FKBP7: variants seen among roughly 807,000 people sequenced by gnomAD.
The protein encoded by FKBP7 is peptidyl-prolyl cis-trans isomerase FKBP7.
In FKBP7, 24 loss-of-function variants were observed where a neutral mutation model predicts 24.3. That is an observed-to-expected ratio of 0.99 (90% CI 0.72 to 1.39). The LOEUF (loss-of-function observed/expected upper bound fraction) is 1.39. FKBP7 is among the 40% of genes most tolerant of loss of function. The probability of loss-of-function intolerance (pLI) is 0.00; values close to 1 mark genes in which losing one functional copy is unlikely to be tolerated. For synonymous variants in FKBP7, 98 were observed against 92.8 expected (o/e 1.06, Z -0.32); for missense variants, 257 against 269.5 (o/e 0.95, Z 0.33).
rs1175823425 is a variant in FKBP7 at position 178,469,779 on chromosome 2, C to T, written c.380G>A (p.Gly127Asp). 1 of 1,612,972 alleles carries T rather than the reference C, an allele frequency of 6.2e-7. No homozygotes were observed. The highest frequency in any genetic ancestry group is 1.7e-5 in the Admixed American group (1 of 59,688). ...CAATGTAGCATCCGGTGGAATCTTG[C>T]CTTCTGCTAAGGGTATAAATTTTAA... ...FAYGKEGYAE[G>D]KIPPDATLIF... Residue 127 changes from glycine (G) to aspartate (D), a missense_variant, in exon 3 of 4, where the codon GGC becomes GAC. Physicochemically the swap from Gly to Asp is moderately conservative, Grantham distance 94. Transcript: ENST00000424785.
chr2:178,473,466 C>G (rs1559378227), intron 2 of FKBP7, among the ~76,000 whole-genome samples: 1 of 152,230 alleles, frequency 6.6e-6, no homozygotes, highest in Non-Finnish European at 1.5e-5. Flanking sequence ...CATCAAACTT[C>G]TATATCTCTG....
Position 178,477,095 on chromosome 2 carries a change from G to T in FKBP7, c.340C>A (p.Pro114Thr), listed in dbSNP as rs774327142. Residue 114 changes from proline (P) to threonine (T), a missense_variant, in exon 2 of 4, where the codon CCC becomes ACC. Pro to Thr is a conservative substitution (Grantham distance 38). Transcript: ENST00000424785. ...CPGEKRKVVI[P>T]PSFAYGKEGY... is the part of the protein sequence containing the mutation. Reference sequence around the variant, plus strand: ...TCCTTTCCGTATGCAAATGAAGGGGGTATAACTACTTTTCGCTTTTCTCCA... The same window carrying T: ...TCCTTTCCGTATGCAAATGAAGGGGTTATAACTACTTTTCGCTTTTCTCCA... The T allele has an allele frequency of 1.2e-6, 2 of 1,611,714 alleles. No individual in the cohort carries two copies. Among genetic ancestry groups the T allele is most frequent in the East Asian group, 2.2e-5 (1 of 44,790 alleles).
chr2:178,466,100 A>G (rs1303974090), intron 3 of FKBP7, among the ~76,000 whole-genome samples, 169 bp from the exon 4 acceptor site: 1 of 152,188 alleles, frequency 6.6e-6, no homozygotes, highest in Non-Finnish European at 1.5e-5. Flanking sequence ...CTTTGAAGCA[A>G]TGTTTTGGAG....
chr2:178,469,448 A>G (rs544356838), intron 3 of FKBP7, among the ~76,000 whole-genome samples: 3 of 152,348 alleles, frequency 2.0e-5, no homozygotes, highest in East Asian at 1.9e-4. Flanking sequence ...GAGAAAGGCA[A>G]TTGAACAGGA....
intron 2 of FKBP7, among the ~76,000 whole-genome samples, chr2:178,470,601 T>C (rs1684820621): frequency 6.6e-6 from 1 of 152,236 alleles, no homozygotes; most frequent in Non-Finnish European, 1.5e-5. Flanking sequence ...AGTATTAATA[T>C]ATTTGTCTTT....
Position 178,478,515 on chromosome 2 carries a change from A to C in FKBP7, c.-16T>G. ...TTTTTGGCATCGGCTCCAGCAGAAC[A>C]CTGCTCTCCCTCCCGCGTGTCACTC... On this transcript the variant is annotated 5_prime_UTR_variant, in exon 1 of 4. Transcript: ENST00000424785. The C allele has an allele frequency of 1.2e-6, 2 of 1,613,004 alleles. No individual in the cohort carries two copies. The highest frequency in any genetic ancestry group is 1.7e-6 in the Non-Finnish European group (2 of 1,179,662).
rs369967667 is a variant in FKBP7 at position 178,465,781 on chromosome 2, C to T, written c.658G>A (p.Asp220Asn). The change falls in exon 4 of 4, where the codon GAT becomes AAT. Residue 220 changes from aspartate (D) to asparagine (N), a missense_variant. By Grantham distance (23) the Asp-to-Asn change is conservative (BLOSUM62 1). Coordinates refer to ENST00000424785, the MANE Select transcript of FKBP7 (RefSeq NM_181342.3). ...GAAATACAAATATGCTATAGTTCATCGTGTTGGTATACATTGTATTCCTTG... is the reference window on the plus strand; with the variant it reads ...GAAATACAAATATGCTATAGTTCATTGTGTTGGTATACATTGTATTCCTTG... Reference protein sequence around the residue: ...SPKEYNVYQHDEL With the variant: ...SPKEYNVYQHNEL The T allele has an allele frequency of 9.8e-5, 155 of 1,578,676 alleles. No individual in the cohort carries two copies. Among genetic ancestry groups the T allele is most frequent in the South Asian group, 1.2e-4 (10 of 83,294 alleles).
chr2:178,463,755 A>AT lies in FKBP7; in HGVS notation c.*2014dup, dbSNP rs1684583764. 1 of 152,176 alleles carries AT rather than the reference A, an allele frequency of 6.6e-6. No homozygotes were observed. Among genetic ancestry groups the AT allele is most frequent in the Non-Finnish European group, 1.5e-5 (1 of 68,020 alleles). 9.4% of individuals were successfully genotyped at this position (152,176 alleles called of 1,614,324 possible). On this transcript the variant is annotated 3_prime_UTR_variant, in exon 4 of 4. Coordinates refer to ENST00000424785, the MANE Select transcript of FKBP7 (RefSeq NM_181342.3). ...TCCTATTCATGTGGCATTATCTGTC[A>AT]TTTTTTAAAAACAAGTTTAAAAGCA... is the stretch of plus-strand genomic sequence containing the variant.
chr2:178,471,885 CTAACA>C (rs1684856362), intron 2 of FKBP7, among the ~76,000 whole-genome samples: 1 of 152,112 alleles, frequency 6.6e-6, no homozygotes, highest in Non-Finnish European at 1.5e-5. Flanking sequence ...CATCATATGA[CTAACA>C]TAAAAGTCCT....
chr2:178,474,838 C>T (rs552935894), intron 2 of FKBP7, among the ~76,000 whole-genome samples: 23 of 152,278 alleles, frequency 1.5e-4, no homozygotes, highest in Non-Finnish European at 2.4e-4. Flanking sequence ...CAGGCGGATA[C>T]CGCCACGCCT....
Position 178,465,673 on chromosome 2 carries a change from G to A in FKBP7, c.*97C>T. On this transcript the variant is annotated 3_prime_UTR_variant, in exon 4 of 4. Coordinates refer to ENST00000424785, the MANE Select transcript of FKBP7 (RefSeq NM_181342.3). ...GGGGAGATCAAAATATCTTCTCATA[G>A]GGGAAAAATAGCAAATACAACTTGG... 8.5e-7 allele frequency: 1 copy of A among 1,171,166 alleles called. No individual in the cohort carries two copies. Among genetic ancestry groups the A allele is most frequent in the Non-Finnish European group, 1.1e-6 (1 of 873,094 alleles). 72.5% of individuals were successfully genotyped at this position (1,171,166 alleles called of 1,614,324 possible). A position where few individuals can be genotyped will look rare whatever the true frequency, so the allele number is the denominator to read the frequency against.
rs188328890 is a variant in FKBP7 at position 178,476,254 on chromosome 2, A to G, written c.373+808T>C. On this transcript the variant is annotated intron_variant, in intron 2 of 3. Transcript: ENST00000424785. ...CATATTATCCTTATAAGCAAAAAGA[A>G]GGGACTGGACTGAACTAGATAGAGC... 1.4e-3 allele frequency among the ~76,000 whole-genome samples: 220 copies of G among 152,362 alleles called. 5 individuals carry two copies. The South Asian group carries it at 0.022, about 15-fold the overall frequency.
In FKBP7 at chr2:178,473,010, G is replaced by T. The variant is rs1191056203; in HGVS notation, c.374-3225C>A. The stretch of plus-strand genomic sequence containing the variant: ...GCAGATCAAAGAAGTAGGAATTAAG[G>T]TAAAGAATATATACATACCGCATGT... On this transcript the variant is annotated intron_variant, in intron 2 of 3. Transcript: ENST00000424785. 4.5e-6 allele frequency: 5 copies of T among 1,121,678 alleles called. No homozygotes were observed. The South Asian group carries it at 6.5e-5, about 15-fold the overall frequency. The allele number at this position is 1,121,678 out of a possible 1,614,324, so 69.5% of individuals were successfully genotyped here. A position where few individuals can be genotyped will look rare whatever the true frequency, so the allele number is the denominator to read the frequency against.
At chr2:178,466,650 C>T (rs1684668041) in intron 3 of FKBP7, among the ~76,000 whole-genome samples, 1 of 152,056 alleles carries the variant, frequency 6.6e-6, no homozygotes, top group African/African-American at 2.4e-5. Context: ...GATAATTTTA[C>T]ATCGATCTCA....
At chr2:178,469,058 CG>C (rs1478295928) in intron 3 of FKBP7, among the ~76,000 whole-genome samples, 1 of 151,688 alleles carries the variant, frequency 6.6e-6, no homozygotes, top group Non-Finnish European at 1.5e-5. Context: ...TTTGTAGAGA[CG>C]GGGGTCTCCC....
intron 1 of FKBP7, 54 bp downstream of exon 1, chr2:178,478,225 G>A: frequency 1.2e-6 from 2 of 1,602,600 alleles, no homozygotes; most frequent in Non-Finnish European, 1.7e-6. Context: ...GCTTGGTGGA[G>A]GCAGGCAAGA....
At chr2:178,469,157 C>T (rs187204921) in intron 3 of FKBP7, among the ~76,000 whole-genome samples, 1 of 152,280 alleles carries the variant, frequency 6.6e-6, no homozygotes, top group African/African-American at 2.4e-5. Flanking sequence ...AGGCATGAGC[C>T]ACATGCCCAG....
At chr2:178,468,804 A>C (rs1684758484) in intron 3 of FKBP7, among the ~76,000 whole-genome samples, 1 of 152,138 alleles carries the variant, frequency 6.6e-6, no homozygotes, top group East Asian at 1.9e-4. Context: ...ATAAGTTCAC[A>C]TACTTATGTG....
intron 2 of FKBP7, among the ~76,000 whole-genome samples, chr2:178,474,766 C>T (rs1228837292): frequency 3.3e-5 from 5 of 152,198 alleles, no homozygotes; most frequent in African/African-American, 1.2e-4. Flanking sequence ...CAGCTCACCG[C>T]AGCCTCGACC....
Sources: gnomAD v4.1 joint callset for allele counts (sites outside exome capture counted in the v4.1 genomes callset) on GRCh38, gnomAD v4.1.1 for gene constraint, MANE v1.5 for transcripts, NCBI Gene and HGNC (gene_info 2026-07-23, HGNC 2026-07-21) for gene names.